The following MYO1D variants were observed in gnomAD, a reference collection of about 807,000 sequenced individuals.
MYO1D encodes myosin ID.
In MYO1D, 83 loss-of-function variants were observed where a neutral mutation model predicts 122.0. The observed-to-expected ratio is 0.68, with a 90% CI of 0.57 to 0.82. The LOEUF (loss-of-function observed/expected upper bound fraction) is 0.82, where lower values mean the gene tolerates loss of function less well. Ranked by LOEUF, MYO1D falls within the 40% of genes least tolerant of loss-of-function variation. The pLI is 0.00. For synonymous variants in MYO1D, 464 were observed against 446.9 expected (o/e 1.04, Z -0.48); for missense variants, 1,157 against 1,269.5 (o/e 0.91, Z 1.35).
rs1663312792 is a variant in MYO1D at position 32,833,611 on chromosome 17, T to C, written c.95+43167A>G. 2.0e-5 allele frequency among the ~76,000 whole-genome samples: 3 copies of C among 152,204 alleles called. No homozygotes were observed. The South Asian group carries it at 6.2e-4, about 32-fold the overall frequency. ...CCAGGAAAAATGTCAAGTCTTTCTA[T>C]CAGCCTTCCTGGCCTTACTGGCCTT... On this transcript the variant is annotated intron_variant, in intron 1 of 21. Coordinates refer to ENST00000318217, the MANE Select transcript of MYO1D (RefSeq NM_015194.3).
At chr17:32,517,613 T>C (rs1457515255) in intron 21 of MYO1D, among the ~76,000 whole-genome samples, 1 of 152,022 alleles carries the variant, frequency 6.6e-6, no homozygotes, top group Non-Finnish European at 1.5e-5. Flanking sequence ...CCCTGGGTGA[T>C]TTTCCTGTGC....
chr17:32,713,498 C>A (rs1014992520), intron 15 of MYO1D, among the ~76,000 whole-genome samples: 5 of 152,120 alleles, frequency 3.3e-5, no homozygotes, highest in African/African-American at 1.2e-4. Flanking sequence ...GTTATTCTGG[C>A]ACACATATTT....
chr17:32,725,656 GAC>G (rs2089563152), intron 14 of MYO1D, among the ~76,000 whole-genome samples: 1 of 151,968 alleles, frequency 6.6e-6, no homozygotes, highest in Non-Finnish European at 1.5e-5. Context: ...AGGTATAGAA[GAC>G]ACAGTGAGAT....
intron 8 of MYO1D, among the ~76,000 whole-genome samples, chr17:32,763,389 C>T (rs1422477787): frequency 2.0e-5 from 3 of 152,094 alleles, no homozygotes; most frequent in Admixed American, 1.3e-4. Flanking sequence ...AAATACAACG[C>T]TTGCCACACA....
rs368717066 is a variant in MYO1D, at chr17:32,494,939, C to T, written c.2865-24G>A. On this transcript the variant is annotated intron_variant, in intron 21 of 21. Transcript: ENST00000318217. ...CACTGCAGGAACCAAAAACACCAGA[C>T]GGGCAGTTAGCAGGCAGCATGAGAA... 42 of 1,574,044 alleles carry T rather than the reference C, an allele frequency of 2.7e-5. No homozygotes were observed. The East Asian group carries it at 7.0e-4, about 26-fold the overall frequency.
intron 19 of MYO1D, among the ~76,000 whole-genome samples, chr17:32,645,525 C>T (rs1227368103): frequency 6.6e-6 from 1 of 152,200 alleles, no homozygotes; most frequent in Non-Finnish European, 1.5e-5. Context: ...CTCTCCCTGT[C>T]ACTTTCAGGT....
chr17:32,808,307 C>T (rs1013568180), intron 1 of MYO1D, among the ~76,000 whole-genome samples: 5 of 149,146 alleles, frequency 3.4e-5, no homozygotes, highest in African/African-American at 1.2e-4. Flanking sequence ...CCCAGGAGTA[C>T]GAGGCTGCAG....
chr17:32,622,689 A>G (rs1017635809), intron 20 of MYO1D, among the ~76,000 whole-genome samples: 3 of 152,222 alleles, frequency 2.0e-5, no homozygotes, highest in African/African-American at 4.8e-5. Context: ...AGGGCACTGA[A>G]AGCTGACTTC....
chr17:32,877,076 G>A lies in MYO1D; in HGVS notation c.-204C>T, dbSNP rs2091242528. ...TCTCGGCCGGCGCGGCTCCGAACGG[G>A]ACGCACCCGACAGTTTCCGCTCCTC... is the stretch of plus-strand genomic sequence containing the variant. On this transcript the variant is annotated 5_prime_UTR_variant, in exon 1 of 22. Coordinates refer to ENST00000318217, the MANE Select transcript of MYO1D (RefSeq NM_015194.3). The A allele has an allele frequency of 9.2e-6, 2 of 217,760 alleles. No homozygotes were observed. The highest frequency in any genetic ancestry group is 1.8e-5 in the Non-Finnish European group (2 of 112,198). The allele number at this position is 217,760 out of a possible 1,614,324, so 13.5% of individuals were successfully genotyped here. A position where few individuals can be genotyped will look rare whatever the true frequency, so the allele number is the denominator to read the frequency against.
intron 21 of MYO1D, among the ~76,000 whole-genome samples, chr17:32,581,926 G>A (rs921133333): frequency 2.0e-5 from 3 of 152,022 alleles, no homozygotes; most frequent in Admixed American, 1.3e-4. Context: ...CACCACACCT[G>A]GCTAATTTTT....
At chr17:32,564,903 C>T (rs932495917) in intron 21 of MYO1D, among the ~76,000 whole-genome samples, 3 of 152,362 alleles carry the variant, frequency 2.0e-5, no homozygotes, top group East Asian at 1.9e-4. Context: ...GCATACCCCC[C>T]ATCTCACAAT....
intron 21 of MYO1D, chr17:32,504,750 T>C (rs1460665169): frequency 6.6e-6 from 1 of 152,266 alleles, no homozygotes; most frequent in African/African-American, 2.4e-5. Context: ...TTTCAGCCAC[T>C]TCCTAGACAA....
At chr17:32,632,190 A>G (rs1196264263) in intron 20 of MYO1D, among the ~76,000 whole-genome samples, 1 of 152,320 alleles carries the variant, frequency 6.6e-6, no homozygotes, top group East Asian at 1.9e-4. Context: ...AAAGTTTGGC[A>G]TGGAGGAGGC....
At chr17:32,742,647 G>A (rs984932014) in intron 13 of MYO1D, among the ~76,000 whole-genome samples, 1 of 152,140 alleles carries the variant, frequency 6.6e-6, no homozygotes, top group African/African-American at 2.4e-5. Context: ...CAAAATGAAT[G>A]TACCTTACCT....
intron 1 of MYO1D, among the ~76,000 whole-genome samples, chr17:32,809,307 T>C (rs1340807804): frequency 6.6e-6 from 1 of 152,090 alleles, no homozygotes; most frequent in Non-Finnish European, 1.5e-5. Context: ...TTTTATTCTA[T>C]AGACATGGGG....
At chr17:32,858,552 G>T (rs1436464901) in intron 1 of MYO1D, among the ~76,000 whole-genome samples, 1 of 152,146 alleles carries the variant, frequency 6.6e-6, no homozygotes, top group Non-Finnish European at 1.5e-5. Flanking sequence ...TTCAGGTTAT[G>T]CATCTTTAGC....
intron 16 of MYO1D, among the ~76,000 whole-genome samples, chr17:32,665,861 G>C (rs2088628971): frequency 1.3e-5 from 2 of 152,002 alleles, no homozygotes; most frequent in African/African-American, 4.8e-5. Context: ...AGAATGTCAG[G>C]ATCATGAAGT....
At chr17:32,796,211 G>T (rs1389556074) in intron 1 of MYO1D, among the ~76,000 whole-genome samples, 2 of 151,896 alleles carry the variant, frequency 1.3e-5, no homozygotes, top group Admixed American at 1.3e-4. Context: ...GTAACATTTG[G>T]CTACTTGGCA....
chr17:32,754,721 G>C (rs1269751669), intron 11 of MYO1D, among the ~76,000 whole-genome samples: 1 of 152,158 alleles, frequency 6.6e-6, no homozygotes, highest in African/African-American at 2.4e-5. Context: ...TTTCCCTTTA[G>C]CATATGGTTA....
Sources: allele counts gnomAD v4.1 joint callset (sites outside exome capture counted in the v4.1 genomes callset), GRCh38; gene constraint gnomAD v4.1.1; transcripts MANE v1.5; gene names NCBI Gene and HGNC (gene_info 2026-07-23, HGNC 2026-07-21).